The following RESF1 variants were observed in gnomAD, a reference collection of about 807,000 sequenced individuals.
RESF1 encodes retroelement silencing factor 1, also known as gonad expressed transcript.
In RESF1, 65 loss-of-function variants were observed where a neutral mutation model predicts 134.7. That is an observed-to-expected ratio of 0.48 (90% CI 0.40 to 0.59). RESF1 has a LOEUF of 0.59. Ranked by LOEUF, RESF1 falls within the 20% of genes least tolerant of loss-of-function variation. RESF1 has a pLI of 0.00. For synonymous variants in RESF1, 762 were observed against 702.2 expected, an observed-to-expected ratio of 1.09 and a Z score of -1.35; for missense variants, 2,274 against 2,002.7, an observed-to-expected ratio of 1.14 and a Z score of -2.59.
chr12:31,980,806 C>G (rs1490052803), intron 3 of RESF1, 72 bp from the exon 4 acceptor site: 7 of 596,370 alleles, frequency 1.2e-5, no homozygotes, highest in Non-Finnish European at 2.0e-5. Context: ...GATGGACAGT[C>G]AGCTACTAAT....
chr12:31,966,189 G>A (rs866794636), intron 2 of RESF1, among the ~76,000 whole-genome samples: 2 of 152,130 alleles, frequency 1.3e-5, no homozygotes, highest in Non-Finnish European at 2.9e-5. Flanking sequence ...ATCTCATAAT[G>A]TTTTAATCAT....
chr12:31,981,881 G>T lies in RESF1; in HGVS notation c.926G>T (p.Arg309Leu), dbSNP rs16919122. 6.2e-7 allele frequency: 1 copy of T among 1,613,976 alleles called. No individual in the cohort carries two copies. The highest frequency in any genetic ancestry group is 8.5e-7 in the Non-Finnish European group (1 of 1,180,012). ...TTGTCTATGGAAGTTCCTCAGAGTC[G>T]AGAAATGCTGTCATCTGAAATAAGG... ...KHLSMEVPQS[R>L]EMLSSEIRTS... Residue 309 changes from arginine (R) to leucine (L), a missense_variant, in exon 4 of 6, where the codon CGA (arginine) becomes CTA (leucine). Arg to Leu is a moderately radical substitution (Grantham distance 102). Coordinates refer to ENST00000312561, the MANE Select transcript of RESF1 (RefSeq NM_018169.4).
rs1291184240 is a variant in RESF1 at position 31,989,841 on chromosome 12, A to G, written c.5086+2519A>G. 1.1e-4 allele frequency among the ~76,000 whole-genome samples: 17 copies of G among 151,862 alleles called. No homozygotes were observed. The East Asian group carries it at 3.3e-3, about 30-fold the overall frequency. On this transcript the variant is annotated intron_variant, in intron 5 of 5. Transcript: ENST00000312561. ...CACTCCAGCTTGGGCGACAGAGCAA[A>G]ACTCTGTCTCAAAAAAAAAGTCAGT...
At chr12:31,987,181 T>C (rs1380897627) in intron 4 of RESF1, 58 bp from the exon 5 acceptor site, 4 of 913,668 alleles carry the variant, frequency 4.4e-6, no homozygotes, top group African/African-American at 3.4e-5. Context: ...TCCTTTGTTA[T>C]AGTACTAAAG....
Position 31,984,063 on chromosome 12 carries a change from T to C in RESF1, c.3108T>C (p.Pro1036=). Residue 1036 remains proline, a synonymous_variant, in exon 4 of 6, where the codon CCT becomes CCC. Transcript: ENST00000312561. The part of the protein sequence containing the change: ...DASSNYTPQD[P]ARNEIHSDKA... ...CCAGCAACTATACTCCCCAAGATCC[T>C]GCAAGAAATGAAATCCACAGTGATA... The C allele has an allele frequency of 6.2e-7, 1 of 1,614,122 alleles. No homozygotes were observed. Among genetic ancestry groups the C allele is most frequent in the Non-Finnish European group, 8.5e-7 (1 of 1,180,008 alleles).
At chr12:31,975,891 G>A (rs1939621159) in intron 3 of RESF1, among the ~76,000 whole-genome samples, 1 of 152,112 alleles carries the variant, frequency 6.6e-6, no homozygotes, top group African/African-American at 2.4e-5. Flanking sequence ...ACCTAATGCT[G>A]CTGGCAGTGT....
intron 5 of RESF1, among the ~76,000 whole-genome samples, chr12:31,991,325 T>TA (rs1270557633): frequency 2.0e-5 from 3 of 152,250 alleles, no homozygotes; most frequent in Non-Finnish European, 4.4e-5. Context: ...GAAAGCAACT[T>TA]AGAGACCCAT....
At chr12:31,990,417 A>G (rs1409246404) in intron 5 of RESF1, among the ~76,000 whole-genome samples, 3 of 152,182 alleles carry the variant, frequency 2.0e-5, no homozygotes, top group South Asian at 4.1e-4. Context: ...GGTGATGGCT[A>G]CATGGGCATT....
At position 31,982,059 on chromosome 12, in the gene RESF1, TGAA is replaced by T; in HGVS notation, c.1107_1109del (p.Glu370del). ...GTGTTCAGACTCTTGCTCAAACTAA[TGAA>T]GAGAAAATAATGGATTCTTGCAATC... is the stretch of plus-strand genomic sequence containing the variant. On this transcript the variant is annotated inframe_deletion, in exon 4 of 6. Coordinates refer to ENST00000312561, the MANE Select transcript of RESF1 (RefSeq NM_018169.4). 6.2e-7 allele frequency: 1 copy of T among 1,614,072 alleles called. No homozygotes were observed. The highest frequency in any genetic ancestry group is 1.7e-5 in the Admixed American group (1 of 60,000).
At chr12:31,972,451 A>G (rs2120799739) in intron 3 of RESF1, among the ~76,000 whole-genome samples, 1 of 152,030 alleles carries the variant, frequency 6.6e-6, no homozygotes, top group Non-Finnish European at 1.5e-5. Context: ...CTAAAAATAC[A>G]AAAAATTAGC....
rs770882200 is a variant in RESF1, at chr12:31,981,320, C to CA, written c.366dup (p.Pro123ThrfsTer19). On this transcript the variant is annotated frameshift_variant, in exon 4 of 6. Transcript: ENST00000312561. LOFTEE classifies it high-confidence loss of function. ...GTTACCCAAAACGTATGGTTGAACT[C>CA]ACCAATGAGGAATCCTGTGCATTCT... The CA allele has an allele frequency of 2.5e-6, 4 of 1,614,056 alleles. No homozygotes were observed. The highest frequency in any genetic ancestry group is 3.4e-6 in the Non-Finnish European group (4 of 1,179,984).
chr12:31,974,713 C>G (rs889222495), intron 3 of RESF1, among the ~76,000 whole-genome samples: 1 of 152,086 alleles, frequency 6.6e-6, no homozygotes, highest in South Asian at 2.1e-4. Context: ...TCATGAGACT[C>G]TCTCCTCCAA....
Position 31,985,272 on chromosome 12 carries a change from A to C in RESF1, c.4317A>C (p.Lys1439Asn). The change falls in exon 4 of 6, where the codon AAA becomes AAC. Residue 1439 changes from lysine (K) to asparagine (N), a missense_variant. By Grantham distance (94) the Lys-to-Asn change is moderately conservative. Transcript: ENST00000312561. ...TAGACACGAAAGCGAGTTCATCTAA[A>C]TTTAGTAGAATTCTAACTCCTAAGG... ...KSVDTKASSS[K>N]FSRILTPKEY... is the part of the protein sequence containing the mutation. 1 of 1,612,192 alleles carries C rather than the reference A, an allele frequency of 6.2e-7. No homozygotes were observed.
At chr12:31,963,440 T>C (rs1347789220) in intron 2 of RESF1, among the ~76,000 whole-genome samples, 2 of 152,116 alleles carry the variant, frequency 1.3e-5, no homozygotes, top group Non-Finnish European at 1.5e-5. Context: ...GGACACTGTA[T>C]CTTTGAGCTC....
chr12:31,968,011 T>C (rs1939436442), intron 2 of RESF1, among the ~76,000 whole-genome samples: 1 of 152,224 alleles, frequency 6.6e-6, no homozygotes, highest in Admixed American at 6.5e-5. Context: ...GTTGAATAAA[T>C]TGTGTTACAT....
At chr12:31,985,980 G>A (rs780061455) in intron 4 of RESF1, 23 bp downstream of exon 4, 10 of 1,441,014 alleles carry the variant, frequency 6.9e-6, no homozygotes, top group Non-Finnish European at 9.1e-6. Context: ...TTTCTTGGTG[G>A]TGTCTACAAT....
intron 2 of RESF1, among the ~76,000 whole-genome samples, chr12:31,963,529 A>G (rs371997344): frequency 6.6e-6 from 1 of 152,286 alleles, no homozygotes; most frequent in East Asian, 1.9e-4. Context: ...AAGCAGCTTC[A>G]AGTTGTTCAG....
intron 5 of RESF1, among the ~76,000 whole-genome samples, chr12:31,988,427 TAA>T (rs1175144165): frequency 1.3e-5 from 2 of 152,344 alleles, no homozygotes; most frequent in East Asian, 3.9e-4. Flanking sequence ...TATTAGGTAT[TAA>T]AAGTAATCTA....
intron 3 of RESF1, among the ~76,000 whole-genome samples, chr12:31,979,652 A>G (rs569993579): frequency 2.0e-5 from 3 of 151,336 alleles, no homozygotes; most frequent in South Asian, 4.2e-4. Context: ...TCCTCCCTAC[A>G]CTGCCTTCTG....
Sources: allele counts gnomAD v4.1 joint callset (sites outside exome capture counted in the v4.1 genomes callset), GRCh38; gene constraint gnomAD v4.1.1; transcripts MANE v1.5; gene names NCBI Gene and HGNC (gene_info 2026-07-23, HGNC 2026-07-21).